Variants in WDFY4 observed in about 807,000 individuals in gnomAD.
WDFY4 encodes WDFY family member 4.
In WDFY4, 169 loss-of-function variants were observed where a neutral mutation model predicts 351.9. That is an observed-to-expected ratio of 0.48 (90% CI 0.42 to 0.55). WDFY4 has a LOEUF of 0.55. WDFY4 is among the 20% of genes least tolerant of loss of function. The probability of loss-of-function intolerance (pLI) is 0.00; values close to 1 mark genes in which losing one functional copy is unlikely to be tolerated. For synonymous variants in WDFY4, 1,622 were observed against 1,574.6 expected (o/e 1.03, Z -0.71); for missense variants, 3,803 against 3,935.6 (o/e 0.97, Z 0.90).
Position 48,709,975 on chromosome 10 carries a change from T to G in WDFY4, c.234+9T>G, listed in dbSNP as rs1470290390. 3.2e-6 allele frequency: 5 copies of G among 1,542,840 alleles called. No individual in the cohort carries two copies. Among genetic ancestry groups the G allele is most frequent in the Non-Finnish European group, 4.4e-6 (5 of 1,141,610 alleles). Reference sequence around the variant, plus strand: ...TCCCCCTATTCCTAAAGGTTAGTGTTCTTATTTTTGAAACTGTAAGGTGAT... The same window carrying G: ...TCCCCCTATTCCTAAAGGTTAGTGTGCTTATTTTTGAAACTGTAAGGTGAT... On this transcript the variant is annotated intron_variant, in intron 2 of 61. Coordinates refer to ENST00000325239, the MANE Select transcript of WDFY4 (RefSeq NM_001394531.1).
At chr10:48,745,826 G>A (rs1422626349) in intron 12 of WDFY4, 1 of 350,344 alleles carries the variant, frequency 2.9e-6, no homozygotes, top group Admixed American at 4.5e-5. Flanking sequence ...GGATTCCATC[G>A]AACACCTCGG....
intron 13 of WDFY4, among the ~76,000 whole-genome samples, chr10:48,770,542 G>A (rs1347817842): frequency 6.6e-6 from 1 of 152,178 alleles, no homozygotes; most frequent in Non-Finnish European, 1.5e-5. Flanking sequence ...CCAAGTTTTG[G>A]GAGATGAGAT....
chr10:48,881,379 A>G (rs547982202), intron 43 of WDFY4, among the ~76,000 whole-genome samples: 3 of 151,950 alleles, frequency 2.0e-5, no homozygotes, highest in South Asian at 4.2e-4. Context: ...TAGATGGGAA[A>G]CTCTGGGGGT....
intron 53 of WDFY4, among the ~76,000 whole-genome samples, chr10:48,963,557 G>T (rs1402994279): frequency 6.6e-6 from 1 of 152,140 alleles, no homozygotes; most frequent in Non-Finnish European, 1.5e-5. Context: ...TCCCAGGCCT[G>T]CACCTCATAG....
At chr10:48,974,751 T>C in intron 57 of WDFY4, 111 bp from the exon 58 acceptor site, 1 of 1,172,642 alleles carries the variant, frequency 8.5e-7, no homozygotes, top group Non-Finnish European at 1.2e-6. Flanking sequence ...ACTGACTCAC[T>C]CAGAATCTCC....
chr10:48,857,251 A>G lies in WDFY4; in HGVS notation c.6664-10014A>G, dbSNP rs561575650. On this transcript the variant is annotated intron_variant, in intron 39 of 61. Transcript: ENST00000325239. The stretch of plus-strand genomic sequence containing the variant: ...GCAGACTTCCCATTTTATCACACAA[A>G]CTATTAAAAAAAGTGTATTCAGGGT... Among the ~76,000 whole-genome samples the G allele has an allele frequency of 1.7e-4, 26 of 152,192 alleles. 1 individual carries two copies. Among genetic ancestry groups the G allele is most frequent in the South Asian group, 1.7e-3 (8 of 4,820 alleles).
chr10:48,910,365 G>T, intron 47 of WDFY4: 1 of 946,072 alleles, frequency 1.1e-6, no homozygotes, highest in Non-Finnish European at 1.7e-6. Context: ...CTGACCTTCA[G>T]GATGGTCAGG....
At position 48,720,218 on chromosome 10, in the gene WDFY4, G is replaced by A. The variant is rs528880241; in HGVS notation, c.349+93G>A. ...CTCTCAGGCCCCCCTCTGCTTTCGC[G>A]TGGAGCTACAGTGTTGCCTGCCAAA... On this transcript the variant is annotated intron_variant, in intron 3 of 61. Transcript: ENST00000325239. The A allele has an allele frequency of 1.5e-3, 1,972 of 1,296,588 alleles. 2 individuals carry two copies. Among genetic ancestry groups the A allele is most frequent in the Non-Finnish European group, 1.9e-3 (1,749 of 938,432 alleles). The allele number at this position is 1,296,588 out of a possible 1,614,324, so 80.3% of individuals were successfully genotyped here.
chr10:48,738,374 TATCA>T (rs1428752867), intron 11 of WDFY4, among the ~76,000 whole-genome samples: 1 of 152,240 alleles, frequency 6.6e-6, no homozygotes, highest in Non-Finnish European at 1.5e-5. Context: ...ACAGATTCAA[TATCA>T]TTTCAGAATC....
Position 48,851,710 on chromosome 10 carries a change from C to T in WDFY4, c.6664-15555C>T, listed in dbSNP as rs190041500. On this transcript the variant is annotated intron_variant, in intron 39 of 61. Transcript: ENST00000325239. The stretch of plus-strand genomic sequence containing the variant: ...TGTAATGACTGTCATCAGTGGTTAG[C>T]GGGTGTTTCCTGCGGGACAGCTTGG... Among the ~76,000 whole-genome samples the T allele has an allele frequency of 7.9e-5, 12 of 152,362 alleles. No homozygotes were observed. In the South Asian group the frequency reaches 8.3e-4, roughly 11 times the overall value.
intron 40 of WDFY4, among the ~76,000 whole-genome samples, chr10:48,870,648 G>A (rs999608284): frequency 1.3e-5 from 2 of 152,108 alleles, no homozygotes; most frequent in Non-Finnish European, 2.9e-5. Context: ...GTGGCATTTG[G>A]CCCACTTGCA....
chr10:48,823,236 T>G, intron 35 of WDFY4: 4 of 1,303,382 alleles, frequency 3.1e-6, no homozygotes, highest in Non-Finnish European at 4.0e-6. Flanking sequence ...CAGGAAACCT[T>G]TGCTCAAACC....
intron 38 of WDFY4, among the ~76,000 whole-genome samples, chr10:48,832,281 G>T (rs2133067316): frequency 6.6e-6 from 1 of 152,336 alleles, no homozygotes; most frequent in Admixed American, 6.5e-5. Flanking sequence ...CACAGGATGA[G>T]AAAACTGAGG....
intron 11 of WDFY4, among the ~76,000 whole-genome samples, chr10:48,736,961 C>T (rs1389212674): frequency 6.6e-6 from 1 of 152,232 alleles, no homozygotes; most frequent in African/African-American, 2.4e-5. Flanking sequence ...TGTTAACATT[C>T]ATCAATTTAT....
chr10:48,957,236 C>A lies in WDFY4; in HGVS notation c.8085C>A (p.Phe2695Leu), dbSNP rs951071614. Residue 2695 changes from phenylalanine to leucine, a missense_variant, in exon 52 of 62, where the codon TTC becomes TTA. Physicochemically the swap from Phe to Leu is conservative, Grantham distance 22. This residue lies in a region of WDFY4 where 3,054 missense variants were observed against 3,148.6 expected (regional missense o/e 0.97). Transcript: ENST00000325239. ...ACGTCAGGGAGCTGACCCCAGAGTT[C>A]TTCTACCTGCCTGAGTTCTTAACCA... The part of the protein sequence containing the change: ...MSDVRELTPE[F>L]FYLPEFLTNC... 2.6e-6 allele frequency: 4 copies of A among 1,551,710 alleles called. No homozygotes were observed. Among genetic ancestry groups the A allele is most frequent in the South Asian group, 1.2e-5 (1 of 84,056 alleles).
chr10:48,836,148 G>T (rs183776761), intron 39 of WDFY4, among the ~76,000 whole-genome samples: 4 of 152,298 alleles, frequency 2.6e-5, no homozygotes, highest in African/African-American at 7.2e-5. Context: ...TCAACTATTT[G>T]CCCTGGGGTC....
At chr10:48,751,595 T>C (rs189810177) in intron 12 of WDFY4, among the ~76,000 whole-genome samples, 12 of 152,278 alleles carry the variant, frequency 7.9e-5, no homozygotes, top group Admixed American at 7.8e-4. Context: ...AGAGAAGCCC[T>C]AGAGTTTTGG....
At chr10:48,780,710 G>A (rs1398265072) in intron 19 of WDFY4, among the ~76,000 whole-genome samples, 2 of 152,198 alleles carry the variant, frequency 1.3e-5, no homozygotes, top group Non-Finnish European at 2.9e-5. Context: ...GCTGGCAGGC[G>A]CCAGCAGCCA....
At chr10:48,937,038 C>T (rs1025793688) in intron 47 of WDFY4, among the ~76,000 whole-genome samples, 1 of 151,638 alleles carries the variant, frequency 6.6e-6, no homozygotes, top group East Asian at 2.0e-4. Flanking sequence ...GGATTACAGG[C>T]ACCCACCACC....
Sources: allele counts gnomAD v4.1 joint callset (sites outside exome capture counted in the v4.1 genomes callset), GRCh38; gene constraint gnomAD v4.1.1; regional missense constraint gnomAD v4.1.1; transcripts MANE v1.5; gene names NCBI Gene and HGNC (gene_info 2026-07-23, HGNC 2026-07-21).